ADGRL4: variants seen among roughly 807,000 people sequenced by gnomAD.
ADGRL4 encodes the protein EGF, latrophilin and seven transmembrane domain containing 1.
ADGRL4 carries 90 observed loss-of-function variants against 74.8 expected under a neutral mutation model. The observed-to-expected ratio is 1.20, with a 90% confidence interval of 1.02 to 1.43. The LOEUF (loss-of-function observed/expected upper bound fraction) is 1.43. Ranked by LOEUF, ADGRL4 falls within the 40% of genes most tolerant of loss-of-function variation. ADGRL4 has a pLI of 0.00. For missense variants in ADGRL4, 881 were observed against 814.3 expected, an observed-to-expected ratio of 1.08 and a Z score of -1.00; for synonymous variants, 311 against 279.2, an observed-to-expected ratio of 1.11 and a Z score of -1.14.
intron 2 of ADGRL4, among the ~76,000 whole-genome samples, chr1:78,996,859 A>G (rs1047533888): frequency 6.6e-6 from 1 of 152,202 alleles, no homozygotes; most frequent in African/African-American, 2.4e-5. Context: ...CACAGGAAAA[A>G]TCAAATTAGC....
At chr1:79,006,304 A>G (rs1021537730) in intron 1 of ADGRL4, among the ~76,000 whole-genome samples, 21 of 152,186 alleles carry the variant, frequency 1.4e-4, no homozygotes, top group African/African-American at 4.8e-4. Flanking sequence ...TGGCCCGGCA[A>G]TCCCCTTAAA....
At chr1:78,939,436 G>A (rs181474839) in intron 3 of ADGRL4, among the ~76,000 whole-genome samples, 178 bp from the exon 4 acceptor site, 1 of 151,870 alleles carries the variant, frequency 6.6e-6, no homozygotes, top group South Asian at 2.1e-4. Flanking sequence ...GAAATAAAAG[G>A]GTTTTAAGGG....
chr1:78,918,159 G>A, intron 10 of ADGRL4, 109 bp from the exon 11 acceptor site: 1 of 797,838 alleles, frequency 1.3e-6, no homozygotes, highest in South Asian at 1.8e-5. Flanking sequence ...ATACTATAAA[G>A]TATGCCACTT....
In ADGRL4 at chr1:78,972,686, G is replaced by A. The variant is rs142778702; in HGVS notation, c.173-26260C>T. On this transcript the variant is annotated intron_variant, in intron 2 of 14. Transcript: ENST00000370742. ...ATAAATGAATCTGCTTATTGCCGAA[G>A]CATTCTCAAATTCTATTCAATTTTC... Among the ~76,000 whole-genome samples, 477 of 152,320 alleles carry A rather than the reference G, an allele frequency of 3.1e-3. 5 individuals are homozygous for A. The highest frequency in any genetic ancestry group is 0.011 in the African/African-American group (452 of 41,584).
intron 12 of ADGRL4, among the ~76,000 whole-genome samples, chr1:78,898,272 TATC>T (rs1166816408): frequency 3.3e-5 from 5 of 152,144 alleles, no homozygotes; most frequent in African/African-American, 9.6e-5. Flanking sequence ...CAGTGTCTAA[TATC>T]ATGATAGCAG....
intron 2 of ADGRL4, among the ~76,000 whole-genome samples, chr1:78,969,286 C>T (rs945151653): frequency 6.6e-6 from 1 of 152,110 alleles, no homozygotes; most frequent in Non-Finnish European, 1.5e-5. Flanking sequence ...TGTAGAAACT[C>T]GTTGTTTTAT....
intron 12 of ADGRL4, among the ~76,000 whole-genome samples, chr1:78,903,934 AAAATAAATAAATAAAT>A (rs141234701): frequency 0.21 from 29,147 of 141,432 alleles, 3,137 homozygotes; most frequent in East Asian, 0.33. Flanking sequence ...GACTCCATAT[AAAATAAATAAATAAAT>A]AAATAAATAA....
At chr1:78,961,670 G>T (rs1649955204) in intron 2 of ADGRL4, among the ~76,000 whole-genome samples, 1 of 152,092 alleles carries the variant, frequency 6.6e-6, no homozygotes, top group Non-Finnish European at 1.5e-5. Context: ...CAGTCTTGCA[G>T]CAGGACATCA....
chr1:78,990,370 C>T (rs553512133), intron 2 of ADGRL4, among the ~76,000 whole-genome samples: 27 of 151,970 alleles, frequency 1.8e-4, no homozygotes, highest in East Asian at 1.4e-3. Context: ...CCCCTGTTCA[C>T]AATTTAGGAA....
At chr1:78,972,119 A>G (rs1003999735) in intron 2 of ADGRL4, among the ~76,000 whole-genome samples, 1 of 152,232 alleles carries the variant, frequency 6.6e-6, no homozygotes, top group African/African-American at 2.4e-5. Context: ...TGCCATACAA[A>G]TAGTATGGAT....
intron 2 of ADGRL4, among the ~76,000 whole-genome samples, chr1:78,967,628 T>C (rs964930143): frequency 6.6e-6 from 1 of 152,188 alleles, no homozygotes; most frequent in Non-Finnish European, 1.5e-5. Context: ...GGAAAGATTG[T>C]GGAAATTAAT....
intron 2 of ADGRL4, among the ~76,000 whole-genome samples, chr1:78,980,090 T>C (rs1650368670): frequency 6.6e-6 from 1 of 151,538 alleles, no homozygotes. Flanking sequence ...AGCTCAGGTT[T>C]CATTTTTTTT....
chr1:78,915,951 G>A (rs1648860598), intron 12 of ADGRL4, among the ~76,000 whole-genome samples: 1 of 151,584 alleles, frequency 6.6e-6, no homozygotes, highest in African/African-American at 2.4e-5. Context: ...AAAACTGAGG[G>A]GCCTAGCTCA....
chr1:78,993,968 A>G (rs1650666063), intron 2 of ADGRL4, among the ~76,000 whole-genome samples: 1 of 152,206 alleles, frequency 6.6e-6, no homozygotes, highest in Non-Finnish European at 1.5e-5. Flanking sequence ...TCCAAAAGAA[A>G]GTAGCAAAGC....
At chr1:78,969,714 T>C (rs12093480) in intron 2 of ADGRL4, among the ~76,000 whole-genome samples, 1 of 151,228 alleles carries the variant, frequency 6.6e-6, no homozygotes, top group African/African-American at 2.5e-5. Context: ...TGGGTTTTTT[T>C]TTTTTTTTAA....
Position 78,920,171 on chromosome 1 carries a change from A to T in ADGRL4, c.1461+12T>A. On this transcript the variant is annotated intron_variant, in intron 10 of 14. Transcript: ENST00000370742. Reference sequence around the variant, plus strand: ...TCATAGGACAAAAATAGAGATTAGGATGCCTACATACCTTATTAGTATTTG... The same window carrying T: ...TCATAGGACAAAAATAGAGATTAGGTTGCCTACATACCTTATTAGTATTTG... The T allele has an allele frequency of 1.9e-6, 3 of 1,591,710 alleles. No homozygotes were observed. The highest frequency in any genetic ancestry group is 2.6e-6 in the Non-Finnish European group (3 of 1,164,790).
intron 3 of ADGRL4, among the ~76,000 whole-genome samples, chr1:78,942,015 C>A (rs973682116): frequency 6.6e-6 from 1 of 151,536 alleles, no homozygotes; most frequent in Non-Finnish European, 1.5e-5. Flanking sequence ...CTGGCTAACA[C>A]GGTGACACCC....
At chr1:78,968,057 T>C (rs951363934) in intron 2 of ADGRL4, among the ~76,000 whole-genome samples, 2 of 152,118 alleles carry the variant, frequency 1.3e-5, no homozygotes, top group African/African-American at 4.8e-5. Flanking sequence ...GCCAAAATGA[T>C]GTTCAATCTT....
chr1:78,968,562 T>C (rs1650105058), intron 2 of ADGRL4, among the ~76,000 whole-genome samples: 2 of 152,010 alleles, frequency 1.3e-5, no homozygotes, highest in East Asian at 3.9e-4. Context: ...TAGTGGTATT[T>C]ACTCAAGACC....
Sources: allele counts gnomAD v4.1 joint callset (sites outside exome capture counted in the v4.1 genomes callset), GRCh38; gene constraint gnomAD v4.1.1; transcripts MANE v1.5; gene names NCBI Gene and HGNC (gene_info 2026-07-23, HGNC 2026-07-21).